Variants in TENM2 observed in about 807,000 individuals in gnomAD.
TENM2 encodes the protein teneurin-2.
Under a neutral mutation model 245.2 loss-of-function variants are expected in TENM2, and 52 were observed. The observed-to-expected ratio is 0.21, with a 90% confidence interval of 0.17 to 0.27. TENM2 has a LOEUF of 0.27. Ranked by LOEUF, TENM2 falls within the 10% of genes least tolerant of loss-of-function variation. TENM2 has a pLI of 1.00. For synonymous variants in TENM2, 1,363 were observed against 1,438.9 expected (o/e 0.95, Z 1.19); for missense variants, 3,046 against 3,666.8 (o/e 0.83, Z 4.37).
At chr5:168,242,553 T>C (rs1005899817) in intron 25 of TENM2, among the ~76,000 whole-genome samples, 2 of 149,406 alleles carry the variant, frequency 1.3e-5, no homozygotes, top group East Asian at 3.9e-4. Context: ...TTTGAAGCTT[T>C]TTTTATCATT....
chr5:168,108,020 T>C (rs1794390880), intron 9 of TENM2, among the ~76,000 whole-genome samples: 1 of 152,188 alleles, frequency 6.6e-6, no homozygotes, highest in Non-Finnish European at 1.5e-5. Context: ...TAGGACAAAA[T>C]ATGTGCCTGC....
intron 2 of TENM2, among the ~76,000 whole-genome samples, chr5:167,389,375 A>G (rs1056167802): frequency 1.3e-5 from 2 of 151,870 alleles, no homozygotes; most frequent in African/African-American, 2.4e-5. Context: ...CTGTGTGTCT[A>G]TCTGAGAGAA....
intron 1 of TENM2, among the ~76,000 whole-genome samples, chr5:167,343,756 C>T (rs1166701278): frequency 1.3e-5 from 2 of 152,054 alleles, no homozygotes; most frequent in Non-Finnish European, 2.9e-5. Flanking sequence ...TTAAATTGCT[C>T]TAAGATAATT....
At chr5:167,801,240 G>A (rs1248843220) in intron 2 of TENM2, among the ~76,000 whole-genome samples, 1 of 148,766 alleles carries the variant, frequency 6.7e-6, no homozygotes, top group Non-Finnish European at 1.5e-5. Context: ...AAATGTTTCT[G>A]GCTGCTGAAG....
At chr5:167,567,553 A>G (rs1394683511) in intron 2 of TENM2, among the ~76,000 whole-genome samples, 1 of 152,158 alleles carries the variant, frequency 6.6e-6, no homozygotes, top group African/African-American at 2.4e-5. Context: ...CTGACTTCCA[A>G]CTAATGTATA....
At chr5:167,923,249 G>A (rs1777506214) in intron 3 of TENM2, among the ~76,000 whole-genome samples, 1 of 152,016 alleles carries the variant, frequency 6.6e-6, no homozygotes, top group Non-Finnish European at 1.5e-5. Flanking sequence ...AACCCGAGAG[G>A]TGGAGGTTGC....
chr5:167,517,010 G>A (rs1002837456), intron 2 of TENM2, among the ~76,000 whole-genome samples: 4 of 152,224 alleles, frequency 2.6e-5, no homozygotes, highest in African/African-American at 9.6e-5. Flanking sequence ...ATTTCATAAT[G>A]TGAATTTTAA....
intron 25 of TENM2, among the ~76,000 whole-genome samples, chr5:168,231,757 CAACAACA>C (rs1764933044): frequency 6.7e-6 from 1 of 148,252 alleles, no homozygotes; most frequent in African/African-American, 2.5e-5. Context: ...CCTGTCTCTA[CAACAACA>C]AACAACAACA....
intron 27 of TENM2, among the ~76,000 whole-genome samples, chr5:168,258,224 G>A (rs534929762): frequency 4.6e-5 from 7 of 152,270 alleles, no homozygotes; most frequent in East Asian, 1.9e-4. Context: ...GAAACAGGCC[G>A]GGTGCAGTGG....
intron 2 of TENM2, among the ~76,000 whole-genome samples, chr5:167,816,328 A>G (rs1479823527): frequency 6.6e-6 from 1 of 152,140 alleles, no homozygotes; most frequent in Non-Finnish European, 1.5e-5. Context: ...ATTAGCTTGT[A>G]TAGACAAGAA....
chr5:168,063,180 G>T (rs978886580), intron 7 of TENM2, among the ~76,000 whole-genome samples: 1 of 152,112 alleles, frequency 6.6e-6, no homozygotes, highest in African/African-American at 2.4e-5. Flanking sequence ...TATATGAAAA[G>T]AATAATGTAA....
intron 2 of TENM2, among the ~76,000 whole-genome samples, chr5:167,785,506 A>T (rs2150863037): frequency 6.6e-6 from 1 of 152,326 alleles, no homozygotes; most frequent in East Asian, 1.9e-4. Flanking sequence ...GAGAAATCAG[A>T]TGGATTGATC....
At chr5:167,890,693 A>G (rs2151459233) in intron 3 of TENM2, among the ~76,000 whole-genome samples, 1 of 152,288 alleles carries the variant, frequency 6.6e-6, no homozygotes, top group South Asian at 2.1e-4. Flanking sequence ...ATCAGGCATG[A>G]TCTTTTAATT....
chr5:167,289,991 G>T (rs1754540984), intron 1 of TENM2, among the ~76,000 whole-genome samples: 1 of 152,188 alleles, frequency 6.6e-6, no homozygotes, highest in South Asian at 2.1e-4. Context: ...AGGCTGAAAT[G>T]TACCTTGAGA....
chr5:167,960,926 C>G (rs1780963830), intron 4 of TENM2, among the ~76,000 whole-genome samples: 1 of 152,226 alleles, frequency 6.6e-6, no homozygotes, highest in Non-Finnish European at 1.5e-5. Flanking sequence ...AGCACAGTCC[C>G]TCACAGCTTC....
chr5:167,378,414 T>A (rs143457819), intron 2 of TENM2, among the ~76,000 whole-genome samples: 1 of 149,604 alleles, frequency 6.7e-6, no homozygotes, highest in Non-Finnish European at 1.5e-5. Context: ...GACACCATAG[T>A]GCTTCATCCT....
chr5:167,444,852 G>C (rs937147816), intron 2 of TENM2, among the ~76,000 whole-genome samples: 4 of 152,028 alleles, frequency 2.6e-5, no homozygotes, highest in Non-Finnish European at 4.4e-5. Flanking sequence ...TCTAGGAAAC[G>C]GCCCCCAAGC....
chr5:167,600,087 T>TTAGCCAACACTGCACCAC (rs1582503561), intron 2 of TENM2, among the ~76,000 whole-genome samples: 6 of 29,314 alleles, frequency 2.0e-4, no homozygotes, highest in African/African-American at 5.9e-4. Context: ...CGGAGTTTGC[T>TTAGCCAACACTGCACCAC]TCATTTATAG....
chr5:167,134,914 T>C, the TENM2 span, among the ~76,000 whole-genome samples: 1 of 152,318 alleles, frequency 6.6e-6, no homozygotes, highest in Non-Finnish European at 1.5e-5. Flanking sequence ...AGAGGAAACA[T>C]TGTTGTACTC....
Sources: gnomAD v4.1 joint callset for allele counts (sites outside exome capture counted in the v4.1 genomes callset) on GRCh38, gnomAD v4.1.1 for gene constraint, MANE v1.5 for transcripts, NCBI Gene and HGNC (gene_info 2026-07-23, HGNC 2026-07-21) for gene names.